The following PCDH7 variants were observed in gnomAD, a reference collection of about 807,000 sequenced individuals.
PCDH7 encodes protocadherin-7.
In PCDH7, 17 loss-of-function variants were observed where a neutral mutation model predicts 58.9. The ratio of observed to expected loss-of-function variants is 0.29; its 90% CI spans 0.20 to 0.43. PCDH7 has a LOEUF of 0.43. PCDH7 is among the 20% of genes least tolerant of loss of function. The pLI, the probability that PCDH7 is intolerant of heterozygous loss-of-function variation, is 1.00. For synonymous variants in PCDH7, 664 were observed against 616.4 expected (o/e 1.08, Z -1.14); for missense variants, 1,274 against 1,441.0 (o/e 0.88, Z 1.88).
chr4:30,894,261 A>G (rs1738995978), intron 1 of PCDH7, among the ~76,000 whole-genome samples: 1 of 151,410 alleles, frequency 6.6e-6, no homozygotes, highest in South Asian at 2.1e-4. Flanking sequence ...ACTTATCCCA[A>G]AGAACAGCTT....
intron 1 of PCDH7, among the ~76,000 whole-genome samples, chr4:30,843,664 C>T (rs1438524110): frequency 6.6e-6 from 1 of 152,156 alleles, no homozygotes; most frequent in African/African-American, 2.4e-5. Flanking sequence ...AATTTTAACA[C>T]TTTTAAATAA....
intron 3 of PCDH7, among the ~76,000 whole-genome samples, chr4:30,980,674 G>A (rs1459110085): frequency 1.3e-5 from 2 of 151,838 alleles, no homozygotes; most frequent in East Asian, 1.9e-4. Flanking sequence ...AAAATCAAAG[G>A]CCTCTAATAT....
At chr4:30,763,870 C>CTTTACTATTTG (rs1259537497) in intron 1 of PCDH7, among the ~76,000 whole-genome samples, 2 of 152,068 alleles carry the variant, frequency 1.3e-5, no homozygotes, top group Non-Finnish European at 2.9e-5. Context: ...ACTGTGTAAC[C>CTTTACTATTTG]TTTACTATTT....
At chr4:31,134,926 C>T (rs1190610917) in intron 3 of PCDH7, among the ~76,000 whole-genome samples, 2 of 152,148 alleles carry the variant, frequency 1.3e-5, no homozygotes, top group African/African-American at 2.4e-5. Flanking sequence ...ACTTCTGCCA[C>T]ATTCTGGTTG....
intron 3 of PCDH7, among the ~76,000 whole-genome samples, chr4:31,133,741 C>G (rs185313749): frequency 2.6e-4 from 40 of 152,242 alleles, no homozygotes; most frequent in Non-Finnish European, 4.4e-4. Flanking sequence ...ATGTGCCAGC[C>G]AGCAGATTCA....
At chr4:31,063,324 A>C (rs73812507) in intron 3 of PCDH7, among the ~76,000 whole-genome samples, 13,393 of 151,832 alleles carry the variant, frequency 0.088, 698 homozygotes, top group South Asian at 0.18. Context: ...CTTCTTTCTA[A>C]TGCCGACAAA....
intron 3 of PCDH7, among the ~76,000 whole-genome samples, chr4:31,022,058 A>T (rs1403152146): frequency 6.6e-6 from 1 of 152,174 alleles, no homozygotes; most frequent in African/African-American, 2.4e-5. Flanking sequence ...TATGTGAAAT[A>T]AAGAACACTT....
intron 1 of PCDH7, among the ~76,000 whole-genome samples, chr4:30,865,160 A>T (rs1463229453): frequency 6.6e-6 from 1 of 152,078 alleles, no homozygotes; most frequent in East Asian, 1.9e-4. Context: ...AAGAGGAAGG[A>T]AGTCAGGATG....
chr4:31,041,620 G>T (rs1286376246), intron 3 of PCDH7, among the ~76,000 whole-genome samples: 1 of 151,756 alleles, frequency 6.6e-6, no homozygotes, highest in African/African-American at 2.4e-5. Flanking sequence ...GAAAAGAATT[G>T]TCCCCAACTA....
chr4:31,113,600 C>CTTACTTAAATA (rs892939966), intron 3 of PCDH7, among the ~76,000 whole-genome samples: 3 of 152,030 alleles, frequency 2.0e-5, no homozygotes, highest in African/African-American at 4.8e-5. Flanking sequence ...GCTGCATAAA[C>CTTACTTAAATA]AAATCCAAAG....
intron 1 of PCDH7, among the ~76,000 whole-genome samples, chr4:30,840,455 AC>A (rs1177871044): frequency 1.3e-5 from 2 of 151,982 alleles, no homozygotes; most frequent in African/African-American, 2.4e-5. Context: ...ACGTCCCTTG[AC>A]CACCTTGCAG....
chr4:30,900,606 A>G (rs951141026), intron 1 of PCDH7, among the ~76,000 whole-genome samples: 2 of 152,230 alleles, frequency 1.3e-5, no homozygotes, highest in African/African-American at 4.8e-5. Context: ...CAGTGCATGG[A>G]AGTCCCAGGA....
intron 3 of PCDH7, among the ~76,000 whole-genome samples, chr4:30,958,569 C>G (rs1400634915): frequency 6.6e-6 from 1 of 151,602 alleles, no homozygotes; most frequent in East Asian, 1.9e-4. Context: ...ATAACAATAT[C>G]ATAAGAAAAA....
chr4:31,142,493 G>A, exon 4 of PCDH7: 1 of 1,367,608 alleles, frequency 7.3e-7, no homozygotes, highest in Non-Finnish European at 9.8e-7. Context: ...TCTTCCAGAT[G>A]TAGCCCTGAC....
At chr4:30,860,000 G>A (rs1396491256) in intron 1 of PCDH7, among the ~76,000 whole-genome samples, 1 of 152,120 alleles carries the variant, frequency 6.6e-6, no homozygotes, top group Admixed American at 6.6e-5. Flanking sequence ...AGGTTTCATT[G>A]GTGGGGAAAT....
intron 1 of PCDH7, among the ~76,000 whole-genome samples, chr4:30,866,428 T>G (rs1161828534): frequency 6.6e-6 from 1 of 152,126 alleles, no homozygotes; most frequent in East Asian, 1.9e-4. Context: ...AAATGAGATC[T>G]GTTTGACCTG....
chr4:30,943,601 T>A, intron 2 of PCDH7, among the ~76,000 whole-genome samples: 1 of 152,152 alleles, frequency 6.6e-6, no homozygotes, highest in East Asian at 1.9e-4. Flanking sequence ...CCTGCATCTC[T>A]TCACTGCTGG....
intron 3 of PCDH7, among the ~76,000 whole-genome samples, chr4:31,082,675 G>A (rs2109271361): frequency 6.6e-6 from 1 of 150,800 alleles, no homozygotes; most frequent in South Asian, 2.1e-4. Flanking sequence ...TAACACAAAA[G>A]TGAAAAACCA....
intron 3 of PCDH7, among the ~76,000 whole-genome samples, chr4:31,048,798 C>T (rs888667347): frequency 6.6e-6 from 1 of 151,848 alleles, no homozygotes; most frequent in African/African-American, 2.4e-5. Context: ...TCGCACTTAA[C>T]CCACTGCAGT....
Sources: gnomAD v4.1 joint callset for allele counts (sites outside exome capture counted in the v4.1 genomes callset) on GRCh38, gnomAD v4.1.1 for gene constraint, MANE v1.5 for transcripts, NCBI Gene and HGNC (gene_info 2026-07-23, HGNC 2026-07-21) for gene names.